The following TTLL7 variants were observed in gnomAD, a reference collection of about 807,000 sequenced individuals.
TTLL7 encodes tubulin tyrosine ligase like 7.
In TTLL7, 53 loss-of-function variants were observed where a neutral mutation model predicts 120.2. The ratio of observed to expected loss-of-function variants is 0.44; its 90% CI spans 0.35 to 0.55. The LOEUF (loss-of-function observed/expected upper bound fraction) is 0.55, where lower values mean the gene tolerates loss of function less well. Among genes scored for constraint, TTLL7 ranks in the 20% least tolerant of loss-of-function variants. The probability of loss-of-function intolerance (pLI) is 0.00; values close to 1 mark genes in which losing one functional copy is unlikely to be tolerated. For missense variants in TTLL7, 803 were observed against 1,054.7 expected, an observed-to-expected ratio of 0.76 and a Z score of 3.31; for synonymous variants, 353 against 351.7, an observed-to-expected ratio of 1.00 and a Z score of -0.04.
At chr1:83,907,807 G>A (rs1339521610) in intron 15 of TTLL7, 146 bp from the exon 16 acceptor site, 2 of 730,300 alleles carry the variant, frequency 2.7e-6, no homozygotes, top group South Asian at 1.9e-5. Context: ...ATGAGAATAT[G>A]AGTTTGGAAT....
chr1:83,978,714 A>G (rs1651708446), intron 1 of TTLL7, among the ~76,000 whole-genome samples: 1 of 152,180 alleles, frequency 6.6e-6, no homozygotes, highest in Non-Finnish European at 1.5e-5. Context: ...TGGCACTTGG[A>G]AAAGGAGAAG....
rs111745254 is a variant in TTLL7, at chr1:83,919,259, AGTGTGT to A, written c.1500+434_1500+439del. On this transcript the variant is annotated intron_variant, in intron 13 of 20. Coordinates refer to ENST00000260505, the MANE Select transcript of TTLL7 (RefSeq NM_024686.6). ...CCTTTTACTATGGTGTACAGATTAG[AGTGTGT>A]GTGTGTGTGTGTGTGTGTGTGTGTG... 8.0e-3 allele frequency among the ~76,000 whole-genome samples: 1,183 copies of A among 147,044 alleles called. 19 individuals carry two copies. The highest frequency in any genetic ancestry group is 0.026 in the African/African-American group (1,054 of 40,220).
intron 1 of TTLL7, among the ~76,000 whole-genome samples, chr1:83,978,408 A>G (rs776296487): frequency 3.3e-5 from 5 of 152,148 alleles, no homozygotes; most frequent in Non-Finnish European, 7.4e-5. Flanking sequence ...CCAAAGCTCA[A>G]ATGAGACAGA....
chr1:83,981,176 T>C (rs1055836674), intron 1 of TTLL7: 4 of 151,820 alleles, frequency 2.6e-5, no homozygotes, highest in African/African-American at 9.7e-5. Context: ...CACACATAAA[T>C]GGTACAGACA....
rs182535173 is a variant in TTLL7, at chr1:83,938,625, G to A, written c.724-609C>T. On this transcript the variant is annotated intron_variant, in intron 7 of 20. Coordinates refer to ENST00000260505, the MANE Select transcript of TTLL7 (RefSeq NM_024686.6). ...CTGTGCAGGTGTACAGTACCGTATC[G>A]TCCTCCATACTGGAGTTCTATGTTT... 2.6e-5 allele frequency among the ~76,000 whole-genome samples: 4 copies of A among 152,152 alleles called. No homozygotes were observed. The East Asian group carries it at 5.8e-4, about 22-fold the overall frequency.
At chr1:83,891,522 TA>T (rs1260799932) in intron 18 of TTLL7, among the ~76,000 whole-genome samples, 1 of 152,118 alleles carries the variant, frequency 6.6e-6, no homozygotes, top group Non-Finnish European at 1.5e-5. Context: ...TATTATCTCC[TA>T]AAGTTGAAAA....
chr1:83,945,200 G>T (rs1445601435), intron 6 of TTLL7, among the ~76,000 whole-genome samples: 1 of 152,108 alleles, frequency 6.6e-6, no homozygotes, highest in African/African-American at 2.4e-5. Flanking sequence ...ATAAAAGGCA[G>T]AGCTTGGCAG....
chr1:83,981,152 T>A (rs1244188860), intron 1 of TTLL7: 1 of 151,980 alleles, frequency 6.6e-6, no homozygotes, highest in East Asian at 1.9e-4. Flanking sequence ...GCAGACTTGA[T>A]ATATCAACAA....
At chr1:83,906,584 AG>A in intron 16 of TTLL7, 121 bp from the exon 17 acceptor site, 2 of 1,446,066 alleles carry the variant, frequency 1.4e-6, no homozygotes, top group Non-Finnish European at 1.9e-6. Context: ...ACAATGAAAA[AG>A]GAAGAAAATT....
chr1:83,892,581 TATAAATGAACATATGA>T (rs1655721852), intron 18 of TTLL7, among the ~76,000 whole-genome samples: 1 of 144,746 alleles, frequency 6.9e-6, no homozygotes, highest in African/African-American at 2.6e-5. Flanking sequence ...TATATGAACA[TATAAATGAACATATGA>T]ATGAACATAT....
intron 5 of TTLL7, among the ~76,000 whole-genome samples, chr1:83,948,417 CA>C (rs1428524872): frequency 1.3e-5 from 2 of 152,116 alleles, no homozygotes; most frequent in Non-Finnish European, 2.9e-5. Context: ...TGAGCTTGTG[CA>C]AGATATTCAT....
Position 83,949,320 on chromosome 1 carries a change from T to G in TTLL7, c.279+545A>C, listed in dbSNP as rs372852591. The G allele has an allele frequency of 9.4e-3, 1,410 of 150,152 alleles. 14 individuals are homozygous for G. Among genetic ancestry groups the G allele is most frequent in the Non-Finnish European group, 0.012 (811 of 68,184 alleles). The allele number at this position is 150,152 out of a possible 1,614,324, so 9.3% of individuals were successfully genotyped here. On this transcript the variant is annotated intron_variant, in intron 4 of 20. Coordinates refer to ENST00000260505, the MANE Select transcript of TTLL7 (RefSeq NM_024686.6). ...AGAGGTGTTTTTTTTGTTTTGTTTT[T>G]TTTTTTGGTGGTTGTTGTTTGTTTT...
At chr1:83,890,172 G>A in intron 19 of TTLL7, 149 bp downstream of exon 19, 2 of 755,750 alleles carry the variant, frequency 2.6e-6, no homozygotes, top group African/African-American at 1.8e-5. Context: ...CAGCTTAATT[G>A]ATATAAATTA....
chr1:83,945,481 T>C (rs965149807), intron 6 of TTLL7, among the ~76,000 whole-genome samples: 4 of 152,206 alleles, frequency 2.6e-5, no homozygotes, highest in Non-Finnish European at 4.4e-5. Context: ...CTGGTAGAAT[T>C]GAAGGGAGAA....
rs745822875 is a variant in TTLL7, at chr1:83,865,451, A to G, written c.*4511T>C. The G allele has an allele frequency of 6.6e-6, 1 of 152,002 alleles. No homozygotes were observed. The highest frequency in any genetic ancestry group is 1.5e-5 in the Non-Finnish European group (1 of 67,882). 9.4% of individuals were successfully genotyped at this position (152,002 alleles called of 1,614,324 possible). A position where few individuals can be genotyped will look rare whatever the true frequency, so the allele number is the denominator to read the frequency against. On this transcript the variant is annotated 3_prime_UTR_variant, in exon 21 of 21. Coordinates refer to ENST00000260505, the MANE Select transcript of TTLL7 (RefSeq NM_024686.6). ...TAGGAACTATTGGTCCATTGATTGT[A>G]CCTGTAGATAATACAGCGCAGTTAA...
chr1:83,882,270 TTAAA>T (rs1246065255), intron 20 of TTLL7, among the ~76,000 whole-genome samples: 1 of 149,034 alleles, frequency 6.7e-6, no homozygotes, highest in Admixed American at 6.7e-5. Flanking sequence ...ATAATAATAA[TTAAA>T]TAAAACAATA....
chr1:83,991,125 T>C (rs1277336138), intron 1 of TTLL7, among the ~76,000 whole-genome samples: 1 of 152,192 alleles, frequency 6.6e-6, no homozygotes, highest in East Asian at 1.9e-4. Context: ...TCCGCTTGTA[T>C]GAGGTATCTA....
chr1:83,950,946 A>G (rs1571286607), intron 3 of TTLL7, among the ~76,000 whole-genome samples: 1 of 152,308 alleles, frequency 6.6e-6, no homozygotes, highest in South Asian at 2.1e-4. Context: ...TCAGAAGAGC[A>G]TGTCAGGAGC....
In TTLL7 at chr1:83,892,238, G is replaced by A. The variant is rs1384960881; in HGVS notation, c.2209-1757C>T. Among the ~76,000 whole-genome samples, 9 of 135,388 alleles carry A rather than the reference G, an allele frequency of 6.6e-5. No individual in the cohort carries two copies. In the South Asian group the frequency reaches 1.6e-3, roughly 24 times the overall value. The allele number at this position is 135,388 out of a possible 152,430, so 88.8% of individuals were successfully genotyped here. A position where few individuals can be genotyped will look rare whatever the true frequency, so the allele number is the denominator to read the frequency against. ...TATGAATATATATGTGTATATATAT[G>A]AATATATATGTATATATGAATATAT... On this transcript the variant is annotated intron_variant, in intron 18 of 20. Coordinates refer to ENST00000260505, the MANE Select transcript of TTLL7 (RefSeq NM_024686.6).
Sources: gnomAD v4.1 joint callset for allele counts (sites outside exome capture counted in the v4.1 genomes callset) on GRCh38, gnomAD v4.1.1 for gene constraint, MANE v1.5 for transcripts, NCBI Gene and HGNC (gene_info 2026-07-23, HGNC 2026-07-21) for gene names.